Variants in EPB41L4A observed in about 807,000 individuals in gnomAD.
The protein encoded by EPB41L4A is erythrocyte membrane protein band 4.1 like 4A.
EPB41L4A carries 100 observed loss-of-function variants against 108.6 expected under a neutral mutation model. That is an observed-to-expected ratio of 0.92 (90% confidence interval 0.78 to 1.09). The LOEUF (loss-of-function observed/expected upper bound fraction) is 1.09, where lower values mean the gene tolerates loss of function less well. Among genes scored for constraint, EPB41L4A ranks in the 50% least tolerant of loss-of-function variants. EPB41L4A has a pLI of 0.00. For synonymous variants in EPB41L4A, 319 were observed against 289.0 expected (o/e 1.10, Z -1.05); for missense variants, 1,030 against 842.7 (o/e 1.22, Z -2.75).
chr5:112,166,164 TAGC>T (rs1195776710), intron 22 of EPB41L4A, among the ~76,000 whole-genome samples: 1 of 152,274 alleles, frequency 6.6e-6, no homozygotes, highest in Non-Finnish European at 1.5e-5. Context: ...TCCCCATTCT[TAGC>T]AGCCTTTGCG....
intron 1 of EPB41L4A, among the ~76,000 whole-genome samples, chr5:112,345,690 CGTGT>C (rs1044196041): frequency 1.0e-4 from 15 of 150,722 alleles, no homozygotes; most frequent in African/African-American, 3.4e-4. Context: ...TGTGTGTGTA[CGTGT>C]GTGTGTTTAT....
chr5:112,235,671 T>C (rs1225245438), intron 11 of EPB41L4A, among the ~76,000 whole-genome samples: 1 of 152,192 alleles, frequency 6.6e-6, no homozygotes, highest in Non-Finnish European at 1.5e-5. Context: ...AATTCATCTT[T>C]CACATGCTTC....
chr5:112,400,071 A>G (rs1043686846), intron 1 of EPB41L4A, among the ~76,000 whole-genome samples: 1 of 152,214 alleles, frequency 6.6e-6, no homozygotes, highest in Admixed American at 6.5e-5. Flanking sequence ...TATGAAAGAA[A>G]GAGGTTTAAT....
intron 1 of EPB41L4A, among the ~76,000 whole-genome samples, chr5:112,360,228 G>T (rs916730904): frequency 1.3e-5 from 2 of 152,132 alleles, no homozygotes; most frequent in Non-Finnish European, 2.9e-5. Flanking sequence ...TTTGAGACCA[G>T]CCTGGGCAAC....
chr5:112,384,344 C>G (rs527538976), intron 1 of EPB41L4A, among the ~76,000 whole-genome samples: 1 of 152,134 alleles, frequency 6.6e-6, no homozygotes, highest in South Asian at 2.1e-4. Context: ...ATTAAGAATC[C>G]ATTAAAAATC....
intron 15 of EPB41L4A, among the ~76,000 whole-genome samples, chr5:112,203,028 G>A (rs1376604724): frequency 6.6e-6 from 1 of 151,738 alleles, no homozygotes; most frequent in Non-Finnish European, 1.5e-5. Flanking sequence ...CATAACAAGT[G>A]AGACCCCATC....
intron 9 of EPB41L4A, among the ~76,000 whole-genome samples, chr5:112,252,425 T>C (rs1373482212): frequency 6.6e-6 from 1 of 152,010 alleles, no homozygotes; most frequent in African/African-American, 2.4e-5. Flanking sequence ...ACACTCAGGG[T>C]AGGGACAGGG....
chr5:112,329,928 A>G (rs1272556219), intron 1 of EPB41L4A, among the ~76,000 whole-genome samples: 2 of 152,194 alleles, frequency 1.3e-5, no homozygotes, highest in African/African-American at 2.4e-5. Context: ...CCACAAGGCT[A>G]TGTGACTGTC....
At position 112,329,745 on chromosome 5, in the gene EPB41L4A, G is replaced by C. The variant is rs572564557; in HGVS notation, c.100-22255C>G. Among the ~76,000 whole-genome samples, 47 of 152,038 alleles carry C rather than the reference G, an allele frequency of 3.1e-4. No homozygotes were observed. In the Middle Eastern group the frequency reaches 0.014, roughly 44 times the overall value. On this transcript the variant is annotated intron_variant, in intron 1 of 22. Coordinates refer to ENST00000261486, the MANE Select transcript of EPB41L4A (RefSeq NM_022140.5). ...ATGTCACTCTCTACAGGAAAAAGGGGGTGTGAATGGATCTGAGTACACCTA... is the reference window on the plus strand; with the variant it reads ...ATGTCACTCTCTACAGGAAAAAGGGCGTGTGAATGGATCTGAGTACACCTA...
chr5:112,360,618 C>G (rs1045436621), intron 1 of EPB41L4A, among the ~76,000 whole-genome samples: 4 of 152,160 alleles, frequency 2.6e-5, no homozygotes, highest in South Asian at 2.1e-4. Flanking sequence ...GATCTCGGCT[C>G]GCTACAACCT....
At chr5:112,387,062 C>T (rs780817110) in intron 1 of EPB41L4A, among the ~76,000 whole-genome samples, 1 of 152,204 alleles carries the variant, frequency 6.6e-6, no homozygotes, top group African/African-American at 2.4e-5. Flanking sequence ...GTGAAGCTCT[C>T]TGAATCTGGG....
At chr5:112,417,549 T>C (rs1580870937) in intron 1 of EPB41L4A, among the ~76,000 whole-genome samples, 1 of 152,246 alleles carries the variant, frequency 6.6e-6, no homozygotes, top group South Asian at 2.1e-4. Context: ...CATCATCTTG[T>C]AAGTTACAAT....
chr5:112,397,443 G>A (rs542778293), intron 1 of EPB41L4A, among the ~76,000 whole-genome samples: 21 of 152,254 alleles, frequency 1.4e-4, no homozygotes, highest in African/African-American at 5.1e-4. Flanking sequence ...CATTCTTAGT[G>A]CTGTGTTTGA....
intron 1 of EPB41L4A, among the ~76,000 whole-genome samples, chr5:112,380,277 G>A (rs568220309): frequency 6.6e-6 from 1 of 152,012 alleles, no homozygotes; most frequent in African/African-American, 2.4e-5. Context: ...GCATACAAAG[G>A]TATCAACCTA....
exon 14 of EPB41L4A, chr5:112,143,506 T>A (rs1759139413): frequency 6.5e-6 from 1 of 154,174 alleles, no homozygotes; most frequent in African/African-American, 2.4e-5. Flanking sequence ...CAAATCAACT[T>A]AAATTTTAAA....
chr5:112,214,266 G>C (rs1001437949), intron 12 of EPB41L4A, among the ~76,000 whole-genome samples: 3 of 152,260 alleles, frequency 2.0e-5, no homozygotes, highest in Non-Finnish European at 2.9e-5. Flanking sequence ...TAAAAGGAAA[G>C]ACCAAATATT....
chr5:112,399,979 A>T (rs1046267568), intron 1 of EPB41L4A, among the ~76,000 whole-genome samples: 2 of 152,230 alleles, frequency 1.3e-5, no homozygotes, highest in African/African-American at 2.4e-5. Flanking sequence ...CCGTTCTTGC[A>T]TTGCTATAAA....
chr5:112,211,254 C>G (rs1459109019), intron 12 of EPB41L4A, among the ~76,000 whole-genome samples: 1 of 152,080 alleles, frequency 6.6e-6, no homozygotes, highest in East Asian at 1.9e-4. Context: ...AAGAGTCAGT[C>G]TAGATTAGGA....
intron 12 of EPB41L4A, among the ~76,000 whole-genome samples, chr5:112,213,376 T>C (rs1580446444): frequency 1.3e-5 from 2 of 150,384 alleles, no homozygotes; most frequent in East Asian, 3.9e-4. Flanking sequence ...TAAGATAGAC[T>C]CTTGCTCTGT....
Sources: allele counts gnomAD v4.1 joint callset (sites outside exome capture counted in the v4.1 genomes callset), GRCh38; gene constraint gnomAD v4.1.1; transcripts MANE v1.5; gene names NCBI Gene and HGNC (gene_info 2026-07-23, HGNC 2026-07-21).